Variants in CSMD2 observed in about 807,000 individuals in gnomAD.
CSMD2 encodes CUB and sushi domain-containing protein 2.
Under a neutral mutation model 398.5 loss-of-function variants are expected in CSMD2, and 130 were observed. That is an observed-to-expected ratio of 0.33 (90% CI 0.28 to 0.38). The LOEUF (loss-of-function observed/expected upper bound fraction) is 0.38, where lower values mean the gene tolerates loss of function less well. Ranked by LOEUF, CSMD2 falls within the 10% of genes least tolerant of loss-of-function variation. The pLI, the probability that CSMD2 is intolerant of heterozygous loss-of-function variation, is 1.00. For synonymous variants in CSMD2, 1,828 were observed against 1,908.5 expected (o/e 0.96, Z 1.10); for missense variants, 3,829 against 4,764.9 (o/e 0.80, Z 5.78).
intron 1 of CSMD2, among the ~76,000 whole-genome samples, chr1:34,120,102 G>C (rs1485376500): frequency 2.0e-5 from 3 of 152,170 alleles, no homozygotes; most frequent in African/African-American, 7.2e-5. Flanking sequence ...AAAAAAGGAA[G>C]GAAATCTTTT....
chr1:33,543,848 G>A (rs1557510015), intron 57 of CSMD2, among the ~76,000 whole-genome samples: 4 of 152,196 alleles, frequency 2.6e-5, no homozygotes. Flanking sequence ...TAAATCAAAT[G>A]TCAGAATAAT....
At chr1:33,871,297 G>A (rs371475095) in intron 5 of CSMD2, among the ~76,000 whole-genome samples, 2 of 152,198 alleles carry the variant, frequency 1.3e-5, no homozygotes, top group East Asian at 1.9e-4. Context: ...TGAGAAGCTT[G>A]TTAGAGAAAT....
intron 3 of CSMD2, among the ~76,000 whole-genome samples, chr1:33,966,071 G>A (rs1355656603): frequency 6.6e-6 from 1 of 152,184 alleles, no homozygotes; most frequent in Non-Finnish European, 1.5e-5. Context: ...ACAAGGGAGA[G>A]GTCAGAGATC....
intron 3 of CSMD2, among the ~76,000 whole-genome samples, chr1:33,982,205 G>C (rs1185320849): frequency 2.0e-5 from 3 of 152,154 alleles, no homozygotes; most frequent in Non-Finnish European, 2.9e-5. Flanking sequence ...TTCTTGGGGG[G>C]CTACTGGATG....
At chr1:33,653,985 C>T (rs920499212) in intron 27 of CSMD2, among the ~76,000 whole-genome samples, 1 of 152,132 alleles carries the variant, frequency 6.6e-6, no homozygotes, top group African/African-American at 2.4e-5. Flanking sequence ...ATGGAGCCAC[C>T]TCTGGCTGTG....
At chr1:33,718,039 C>T (rs900722198) in intron 19 of CSMD2, among the ~76,000 whole-genome samples, 4 of 152,100 alleles carry the variant, frequency 2.6e-5, no homozygotes, top group African/African-American at 7.2e-5. Flanking sequence ...AACCCTGTGG[C>T]GTGGGTATGT....
intron 13 of CSMD2, among the ~76,000 whole-genome samples, chr1:33,765,655 C>A (rs1289573023): frequency 6.6e-6 from 1 of 152,106 alleles, no homozygotes; most frequent in Non-Finnish European, 1.5e-5. Context: ...ACTTTGTCAG[C>A]TTTGAAAATA....
intron 68 of CSMD2, among the ~76,000 whole-genome samples, chr1:33,520,164 T>C (rs1356703634): frequency 1.3e-5 from 2 of 152,172 alleles, no homozygotes; most frequent in Non-Finnish European, 2.9e-5. Context: ...TGCATCTACC[T>C]TGTGCTGCTC....
intron 58 of CSMD2, among the ~76,000 whole-genome samples, chr1:33,542,078 A>G (rs1487328459): frequency 1.3e-5 from 2 of 152,164 alleles, no homozygotes; most frequent in Non-Finnish European, 2.9e-5. Flanking sequence ...GGGATTTCAG[A>G]GGGAGTCGAA....
intron 3 of CSMD2, among the ~76,000 whole-genome samples, chr1:33,957,446 G>C (rs1645205098): frequency 6.6e-6 from 1 of 152,040 alleles, no homozygotes; most frequent in Non-Finnish European, 1.5e-5. Context: ...TCATTGATCT[G>C]CAAGGCTAGA....
intron 2 of CSMD2, among the ~76,000 whole-genome samples, chr1:34,041,619 G>A (rs548143548): frequency 4.6e-5 from 7 of 152,186 alleles, no homozygotes; most frequent in East Asian, 1.9e-4. Context: ...TGGCTTTGAC[G>A]TGCCAGGCTT....
intron 49 of CSMD2, among the ~76,000 whole-genome samples, chr1:33,575,967 G>T (rs999783355): frequency 6.6e-6 from 1 of 152,174 alleles, no homozygotes; most frequent in African/African-American, 2.4e-5. Flanking sequence ...CTATGTAGTT[G>T]GCAATGTTTT....
chr1:33,889,427 T>C (rs1479251547), intron 5 of CSMD2, among the ~76,000 whole-genome samples: 1 of 152,180 alleles, frequency 6.6e-6, no homozygotes, highest in Non-Finnish European at 1.5e-5. Flanking sequence ...CTGTTATACA[T>C]GGTTGATGGA....
chr1:33,536,915 TG>T lies in CSMD2; in HGVS notation c.9879+106del, dbSNP rs986267734. 94 of 1,079,278 alleles carry T rather than the reference TG, an allele frequency of 8.7e-5. No homozygotes were observed. The African/African-American group carries it at 1.2e-3, about 14-fold the overall frequency. 66.9% of individuals were successfully genotyped at this position (1,079,278 alleles called of 1,614,324 possible). A position where few individuals can be genotyped will look rare whatever the true frequency, so the allele number is the denominator to read the frequency against. ...TTTCTTTCTGCGCTTTCCAAGCTCT[TG>T]TCCTCCCTGAGTGCTGTCCTGAGGA... On this transcript the variant is annotated intron_variant, in intron 62 of 70. Coordinates refer to ENST00000373381, the MANE Select transcript of CSMD2 (RefSeq NM_001281956.2).
chr1:33,811,202 A>T (rs1656830558), intron 9 of CSMD2, among the ~76,000 whole-genome samples: 1 of 152,152 alleles, frequency 6.6e-6, no homozygotes, highest in Admixed American at 6.5e-5. Flanking sequence ...TCAGGTTGAC[A>T]TAAAGCTAGG....
intron 3 of CSMD2, among the ~76,000 whole-genome samples, chr1:34,005,958 C>A (rs7514746): frequency 6.6e-6 from 1 of 152,176 alleles, no homozygotes; most frequent in African/African-American, 2.4e-5. Context: ...TCATCCACCC[C>A]CATGCAGACA....
chr1:34,048,550 G>A (rs1008800368), intron 2 of CSMD2, among the ~76,000 whole-genome samples: 2 of 152,212 alleles, frequency 1.3e-5, no homozygotes, highest in East Asian at 3.9e-4. Flanking sequence ...AGCAGGTGGA[G>A]CCTCTGAGAA....
At chr1:33,973,695 C>T (rs74068625) in intron 3 of CSMD2, among the ~76,000 whole-genome samples, 2,589 of 152,236 alleles carry the variant, frequency 0.017, 84 homozygotes, top group African/African-American at 0.058. Flanking sequence ...CCCTTTAGCA[C>T]GTAAGAGCTG....
chr1:33,555,136 A>G (rs1657838707), intron 55 of CSMD2, among the ~76,000 whole-genome samples: 1 of 152,192 alleles, frequency 6.6e-6, no homozygotes, highest in Admixed American at 6.5e-5. Context: ...CCAAATATCA[A>G]CATTAACAGG....
Sources: gnomAD v4.1 joint callset for allele counts (sites outside exome capture counted in the v4.1 genomes callset) on GRCh38, gnomAD v4.1.1 for gene constraint, MANE v1.5 for transcripts, NCBI Gene and HGNC (gene_info 2026-07-23, HGNC 2026-07-21) for gene names.